The following DSCAM variants were observed in gnomAD, a reference collection of about 807,000 sequenced individuals.
The protein encoded by DSCAM is cell adhesion molecule DSCAM.
In DSCAM, 47 loss-of-function variants were observed where a neutral mutation model predicts 217.7. The ratio of observed to expected loss-of-function variants is 0.22; its 90% CI spans 0.17 to 0.28. The LOEUF (loss-of-function observed/expected upper bound fraction) is 0.28. Ranked by LOEUF, DSCAM falls within the 10% of genes least tolerant of loss-of-function variation. DSCAM has a pLI of 1.00. For synonymous variants in DSCAM, 1,056 were observed against 1,015.3 expected, an observed-to-expected ratio of 1.04 and a Z score of -0.76; for missense variants, 2,080 against 2,618.3, an observed-to-expected ratio of 0.79 and a Z score of 4.49.
intron 3 of DSCAM, among the ~76,000 whole-genome samples, chr21:40,605,589 C>G (rs1334343706): frequency 1.3e-5 from 2 of 152,076 alleles, no homozygotes; most frequent in Non-Finnish European, 2.9e-5. Flanking sequence ...GTGAACATGG[C>G]TGCGTCCCAA....
At chr21:40,664,689 T>G (rs1488570114) in intron 3 of DSCAM, among the ~76,000 whole-genome samples, 3 of 152,172 alleles carry the variant, frequency 2.0e-5, no homozygotes, top group Non-Finnish European at 4.4e-5. Context: ...CCTTGTCAGA[T>G]TGTCAGACAG....
At chr21:40,674,995 A>G (rs2090321344) in intron 3 of DSCAM, among the ~76,000 whole-genome samples, 1 of 147,680 alleles carries the variant, frequency 6.8e-6, no homozygotes, top group African/African-American at 2.5e-5. Context: ...TAACTTCCAC[A>G]CTCCCACCTC....
intron 30 of DSCAM, among the ~76,000 whole-genome samples, chr21:40,049,879 A>G (rs984644645): frequency 2.6e-5 from 4 of 152,188 alleles, no homozygotes; most frequent in African/African-American, 9.7e-5. Flanking sequence ...ATGAAGCTGG[A>G]AGGTTGCCAG....
chr21:40,748,013 T>C (rs895894482), intron 1 of DSCAM, among the ~76,000 whole-genome samples: 8 of 151,826 alleles, frequency 5.3e-5, no homozygotes, highest in African/African-American at 1.9e-4. Flanking sequence ...TTTGATAAAA[T>C]TCAATTCCTT....
At chr21:40,360,324 C>G (rs928185308) in intron 4 of DSCAM, among the ~76,000 whole-genome samples, 1 of 151,412 alleles carries the variant, frequency 6.6e-6, no homozygotes, top group Admixed American at 6.6e-5. Context: ...TTACTAGAGG[C>G]GGGGTTTCAC....
At chr21:40,282,488 G>A (rs1179888636) in intron 10 of DSCAM, among the ~76,000 whole-genome samples, 2 of 150,740 alleles carry the variant, frequency 1.3e-5, no homozygotes, top group Non-Finnish European at 3.0e-5. Flanking sequence ...CTACTAGGGA[G>A]GCTGAGGCAG....
chr21:40,408,003 G>A (rs73214897), intron 3 of DSCAM, among the ~76,000 whole-genome samples: 1,918 of 152,162 alleles, frequency 0.013, 19 homozygotes, highest in Middle Eastern at 0.02. Context: ...TATAAGGCTC[G>A]CTGGCTACCT....
chr21:40,540,350 T>C (rs1465976676), intron 3 of DSCAM, among the ~76,000 whole-genome samples: 1 of 152,100 alleles, frequency 6.6e-6, no homozygotes, highest in African/African-American at 2.4e-5. Context: ...AATTCCTCTC[T>C]CCCCTCCGCT....
At chr21:40,514,047 T>G (rs975814624) in intron 3 of DSCAM, among the ~76,000 whole-genome samples, 4 of 152,140 alleles carry the variant, frequency 2.6e-5, no homozygotes, top group African/African-American at 9.7e-5. Context: ...TCCAAGGCCA[T>G]TTGTGTGATC....
chr21:40,213,255 C>T (rs1438929840), intron 11 of DSCAM, among the ~76,000 whole-genome samples: 2 of 152,144 alleles, frequency 1.3e-5, no homozygotes, highest in Non-Finnish European at 2.9e-5. Context: ...GCTTCTAGGG[C>T]ATATTTTAAT....
chr21:40,225,430 C>T (rs2091323450), intron 11 of DSCAM, among the ~76,000 whole-genome samples: 1 of 152,166 alleles, frequency 6.6e-6, no homozygotes, highest in Non-Finnish European at 1.5e-5. Flanking sequence ...TTCATTCCCA[C>T]TCAAATACTC....
chr21:40,417,294 A>G (rs1023754672), intron 3 of DSCAM, among the ~76,000 whole-genome samples: 20 of 152,142 alleles, frequency 1.3e-4, no homozygotes, highest in Admixed American at 1.0e-3. Flanking sequence ...GGTTTGTTAC[A>G]TATGTATACA....
At chr21:40,745,302 A>G (rs1050164134) in intron 1 of DSCAM, among the ~76,000 whole-genome samples, 1 of 152,204 alleles carries the variant, frequency 6.6e-6, no homozygotes, top group Non-Finnish European at 1.5e-5. Context: ...AAGTATAAAA[A>G]GCTCAGAGAT....
chr21:40,327,534 G>C (rs1385035771), intron 8 of DSCAM, among the ~76,000 whole-genome samples: 1 of 151,416 alleles, frequency 6.6e-6, no homozygotes, highest in East Asian at 1.9e-4. Flanking sequence ...TGAATGCCTT[G>C]TATTTCTTTC....
intron 3 of DSCAM, among the ~76,000 whole-genome samples, chr21:40,413,654 A>G (rs762933892): frequency 3.9e-5 from 6 of 152,250 alleles, no homozygotes; most frequent in Non-Finnish European, 7.3e-5. Context: ...GATGACTGAA[A>G]CAACTTTGAA....
chr21:40,042,841 T>G (rs1042263375), intron 31 of DSCAM, among the ~76,000 whole-genome samples, 168 bp from the exon 32 acceptor site: 18 of 152,234 alleles, frequency 1.2e-4, no homozygotes, highest in African/African-American at 4.1e-4. Flanking sequence ...TGAGGCCAGC[T>G]TCACAAGTCT....
intron 11 of DSCAM, among the ~76,000 whole-genome samples, chr21:40,238,151 T>C (rs772286647): frequency 6.6e-6 from 1 of 152,136 alleles, no homozygotes; most frequent in Non-Finnish European, 1.5e-5. Flanking sequence ...TAAACCATAA[T>C]ACTCCAAAGA....
At chr21:40,573,310 C>G (rs1313922932) in intron 3 of DSCAM, among the ~76,000 whole-genome samples, 1 of 151,880 alleles carries the variant, frequency 6.6e-6, no homozygotes, top group Admixed American at 6.6e-5. Context: ...TGCACTCCAG[C>G]CTGGGCGACA....
chr21:40,802,072 A>T (rs2091746816), intron 1 of DSCAM, among the ~76,000 whole-genome samples: 1 of 152,086 alleles, frequency 6.6e-6, no homozygotes, highest in Non-Finnish European at 1.5e-5. Context: ...AGCTTCAGGG[A>T]CCAGACTTCA....
Sources: allele counts gnomAD v4.1 joint callset (sites outside exome capture counted in the v4.1 genomes callset), GRCh38; gene constraint gnomAD v4.1.1; transcripts MANE v1.5; gene names NCBI Gene and HGNC (gene_info 2026-07-23, HGNC 2026-07-21).